TASP1: variants seen among roughly 807,000 people sequenced by gnomAD.
TASP1 encodes the protein taspase 1, also known as threonine aspartase 1.
Under a neutral mutation model 56.6 loss-of-function variants are expected in TASP1, and 16 were observed. That is an observed-to-expected ratio of 0.28 (90% CI 0.19 to 0.43). The LOEUF (loss-of-function observed/expected upper bound fraction) is 0.43. TASP1 is among the 20% of genes least tolerant of loss of function. The probability of loss-of-function intolerance (pLI) is 1.00; values close to 1 mark genes in which losing one functional copy is unlikely to be tolerated. For missense variants in TASP1, 393 were observed against 511.6 expected (o/e 0.77, Z 2.24); for synonymous variants, 179 against 184.2 (o/e 0.97, Z 0.23).
chr20:13,200,711 A>T, the TASP1 span, among the ~76,000 whole-genome samples: 1 of 152,252 alleles, frequency 6.6e-6, no homozygotes, highest in African/African-American at 2.4e-5. Context: ...GAAAACACCA[A>T]CGGAGTGGCC....
chr20:13,258,049 G>A, the TASP1 span, among the ~76,000 whole-genome samples: 1 of 152,152 alleles, frequency 6.6e-6, no homozygotes, highest in Non-Finnish European at 1.5e-5. Context: ...GATGTCATGA[G>A]ACCAGATTTA....
chr20:13,303,445 G>A, the TASP1 span, among the ~76,000 whole-genome samples: 1 of 152,224 alleles, frequency 6.6e-6, no homozygotes, highest in Non-Finnish European at 1.5e-5. Flanking sequence ...ATCCATGGGT[G>A]AAAACAAAGA....
intron 8 of TASP1, among the ~76,000 whole-genome samples, chr20:13,557,726 A>G (rs2046213419): frequency 6.6e-6 from 1 of 151,508 alleles, no homozygotes; most frequent in Non-Finnish European, 1.5e-5. Flanking sequence ...GAGTACAGGT[A>G]TGCACCACCA....
chr20:13,338,670 C>A, the TASP1 span, among the ~76,000 whole-genome samples: 1 of 152,278 alleles, frequency 6.6e-6, no homozygotes, highest in Non-Finnish European at 1.5e-5. Context: ...TCCTTCACAC[C>A]AATTCCTCAT....
intron 7 of TASP1, among the ~76,000 whole-genome samples, chr20:13,568,997 T>G (rs185127049): frequency 6.6e-6 from 1 of 152,268 alleles, no homozygotes; most frequent in East Asian, 1.9e-4. Flanking sequence ...GGCAATTACT[T>G]GTATTTGTGT....
chr20:13,459,635 C>G (rs112169934), intron 11 of TASP1, among the ~76,000 whole-genome samples: 3,265 of 152,190 alleles, frequency 0.021, 108 homozygotes, highest in African/African-American at 0.074. Context: ...CTGACCTATA[C>G]TTTCTTGTTT....
the TASP1 span, among the ~76,000 whole-genome samples, chr20:13,381,291 A>G: frequency 1.3e-5 from 2 of 152,146 alleles, no homozygotes; most frequent in Non-Finnish European, 2.9e-5. Context: ...ACCATCCCTC[A>G]CGGCACAGGT....
At chr20:13,416,729 TA>T (rs2042267016) in intron 13 of TASP1, among the ~76,000 whole-genome samples, 1 of 152,198 alleles carries the variant, frequency 6.6e-6, no homozygotes, top group Non-Finnish European at 1.5e-5. Flanking sequence ...CAGCTGTTTC[TA>T]AAAAATTTAT....
the TASP1 span, chr20:13,154,134 G>C: frequency 6.2e-7 from 1 of 1,614,078 alleles, no homozygotes; most frequent in South Asian, 1.1e-5. Context: ...GCCTGGTAAA[G>C]TAGCGTAAGT....
chr20:13,470,803 C>T (rs6105109), intron 11 of TASP1, among the ~76,000 whole-genome samples: 8,919 of 152,216 alleles, frequency 0.059, 371 homozygotes, highest in African/African-American at 0.12. Flanking sequence ...GTTCTTTTCT[C>T]ACCCTGCCAC....
chr20:13,288,636 C>T, the TASP1 span: 34 of 1,613,878 alleles, frequency 2.1e-5, no homozygotes, highest in Admixed American at 1.0e-4. Context: ...TGTGGCTACG[C>T]GTGCACTGCA....
At chr20:13,179,974 G>A in the TASP1 span, among the ~76,000 whole-genome samples, 13 of 152,206 alleles carry the variant, frequency 8.5e-5, no homozygotes, top group Non-Finnish European at 1.5e-4. Context: ...TGGACACAGC[G>A]TTGGCCATTC....
chr20:13,371,800 C>T, the TASP1 span, among the ~76,000 whole-genome samples: 375 of 152,258 alleles, frequency 2.5e-3, no homozygotes, highest in Admixed American at 3.6e-3. Context: ...TCGATCATGT[C>T]AGTCATGTAT....
chr20:13,229,817 A>G, the TASP1 span, among the ~76,000 whole-genome samples: 2 of 152,054 alleles, frequency 1.3e-5, no homozygotes, highest in East Asian at 3.9e-4. Flanking sequence ...CACTTGTTTC[A>G]TATCTACCAG....
chr20:13,565,594 T>G (rs925920284), intron 7 of TASP1, among the ~76,000 whole-genome samples: 9 of 152,078 alleles, frequency 5.9e-5, no homozygotes, highest in Middle Eastern at 3.2e-3. Flanking sequence ...AAAAGACACT[T>G]TAACAGCATA....
intron 4 of TASP1, among the ~76,000 whole-genome samples, chr20:13,615,372 T>C (rs2048484991): frequency 6.6e-6 from 1 of 152,150 alleles, no homozygotes; most frequent in Non-Finnish European, 1.5e-5. Flanking sequence ...TTCTGTCAAA[T>C]GTCTAAGATT....
At chr20:13,498,308 GAACA>G (rs768911211) in intron 10 of TASP1, among the ~76,000 whole-genome samples, 11 of 150,206 alleles carry the variant, frequency 7.3e-5, no homozygotes, top group East Asian at 3.9e-4. Context: ...CAAAGGACAT[GAACA>G]AACACTTTTT....
chr20:13,212,915 C>T, the TASP1 span, among the ~76,000 whole-genome samples: 1 of 152,190 alleles, frequency 6.6e-6, no homozygotes, highest in Non-Finnish European at 1.5e-5. Context: ...TGAGGCACTA[C>T]ACCCTGAGTC....
chr20:13,478,075 CTTTAT>C (rs1401097131), intron 11 of TASP1, among the ~76,000 whole-genome samples: 1 of 151,990 alleles, frequency 6.6e-6, no homozygotes, highest in East Asian at 1.9e-4. Flanking sequence ...AGAAAAAAAT[CTTTAT>C]TTTAGTAAGT....
Sources: gnomAD v4.1 joint callset for allele counts (sites outside exome capture counted in the v4.1 genomes callset) on GRCh38, gnomAD v4.1.1 for gene constraint, MANE v1.5 for transcripts, NCBI Gene and HGNC (gene_info 2026-07-23, HGNC 2026-07-21) for gene names.